DBT: variants seen among roughly 807,000 people sequenced by gnomAD.
DBT encodes the protein lipoamide acyltransferase component of branched-chain alpha-keto acid dehydrogenase complex, mitochondrial.
Under a neutral mutation model 51.3 loss-of-function variants are expected in DBT, and 40 were observed. That is an observed-to-expected ratio of 0.78 (90% CI 0.61 to 1.02). The LOEUF is 1.02. Ranked by LOEUF, DBT falls within the 50% of genes least tolerant of loss-of-function variation. The probability of loss-of-function intolerance (pLI) is 0.00; values close to 1 mark genes in which losing one functional copy is unlikely to be tolerated. For missense variants in DBT, 510 were observed against 580.2 expected (o/e 0.88, Z 1.24); for synonymous variants, 181 against 190.4 (o/e 0.95, Z 0.41).
rs558607921 is a variant in DBT, at chr1:100,233,336, TTC to T, written c.251+2098_251+2099del. ...GATTTGTGAAATTTAAGTATTTTTT[TTC>T]TTTTTCCATACATATGCACCCACAA... On this transcript the variant is annotated intron_variant, in intron 3 of 10. Coordinates refer to ENST00000370132, the MANE Select transcript of DBT (RefSeq NM_001918.5). Among the ~76,000 whole-genome samples, 280 of 152,322 alleles carry T rather than the reference TTC, an allele frequency of 1.8e-3. 3 individuals carry two copies. Among genetic ancestry groups the T allele is most frequent in the African/African-American group, 6.4e-3 (265 of 41,564 alleles).
chr1:100,226,904 T>A (rs1477982072), intron 4 of DBT, among the ~76,000 whole-genome samples: 1 of 152,222 alleles, frequency 6.6e-6, no homozygotes, highest in Non-Finnish European at 1.5e-5. Context: ...TGAAATCAGT[T>A]GAAATACTGT....
Position 100,193,514 on chromosome 1 carries a change from C to T in DBT, c.*2741G>A, listed in dbSNP as rs1240729563. ...AATCAAGGAAGCATGAAGGTGGCTA[C>T]TGTATGCTTAGAACCATGATTGGTA... On this transcript the variant is annotated 3_prime_UTR_variant, in exon 11 of 11. Coordinates refer to ENST00000370132, the MANE Select transcript of DBT (RefSeq NM_001918.5). 2 of 152,184 alleles carry T rather than the reference C, an allele frequency of 1.3e-5. No individual in the cohort carries two copies. Among genetic ancestry groups the T allele is most frequent in the Non-Finnish European group, 2.9e-5 (2 of 68,044 alleles). 9.4% of individuals were successfully genotyped at this position (152,184 alleles called of 1,614,324 possible).
chr1:100,218,522 T>A (rs2100804012), intron 5 of DBT, 104 bp downstream of exon 5: 1 of 1,274,026 alleles, frequency 7.8e-7, no homozygotes, highest in African/African-American at 1.5e-5. Context: ...CATGTTTCCT[T>A]AATTTCATTG....
Position 100,249,731 on chromosome 1 carries a change from C to G in DBT, c.51+39G>C, listed in dbSNP as rs763704134. ...CACTCCTGGATGACTCCGGACAAAT[C>G]ACTCCTTCCCGGCCTCAGATCTGCC... On this transcript the variant is annotated intron_variant, in intron 1 of 10. Transcript: ENST00000370132. 7.5e-6 allele frequency: 12 copies of G among 1,605,638 alleles called. No individual in the cohort carries two copies. In the Admixed American group the frequency reaches 1.5e-4, roughly 20 times the overall value.
chr1:100,217,191 T>C (rs1211268142), intron 5 of DBT, among the ~76,000 whole-genome samples: 1 of 152,194 alleles, frequency 6.6e-6, no homozygotes, highest in Non-Finnish European at 1.5e-5. Flanking sequence ...CCAAGTATTC[T>C]ATACCCATCT....
chr1:100,225,043 A>ATATATG (rs1553231587), intron 4 of DBT, among the ~76,000 whole-genome samples: 14 of 43,040 alleles, frequency 3.3e-4, no homozygotes, highest in Admixed American at 8.5e-4. Flanking sequence ...AAAAAAAAAA[A>ATATATG]TATATATATA....
At chr1:100,247,723 A>T (rs1438686997) in intron 1 of DBT, among the ~76,000 whole-genome samples, 10 of 149,338 alleles carry the variant, frequency 6.7e-5, no homozygotes, top group Non-Finnish European at 1.3e-4. Context: ...AAAAATTAAG[A>T]GAAACTGGTT....
At chr1:100,210,349 T>G (rs552365524) in intron 8 of DBT, among the ~76,000 whole-genome samples, 2,589 of 127,696 alleles carry the variant, frequency 0.02, 32 homozygotes, top group African/African-American at 0.028. Flanking sequence ...AGAAGAAGAA[T>G]AAGAATAATA....
At chr1:100,244,285 G>A (rs919106756) in intron 1 of DBT, among the ~76,000 whole-genome samples, 3 of 152,090 alleles carry the variant, frequency 2.0e-5, no homozygotes, top group African/African-American at 7.2e-5. Context: ...GACATTGAGC[G>A]GCTTGATTTG....
At chr1:100,238,425 CTTTT>C (rs1664025458) in intron 2 of DBT, among the ~76,000 whole-genome samples, 1 of 103,684 alleles carries the variant, frequency 9.6e-6, no homozygotes, top group South Asian at 3.9e-4. Context: ...CTTCTTCTTT[CTTTT>C]ATTTCCCCTC....
rs928104946 is a variant in DBT, at chr1:100,195,826, G to A, written c.*429C>T. On this transcript the variant is annotated 3_prime_UTR_variant, in exon 11 of 11. Transcript: ENST00000370132. Reference sequence around the variant, plus strand: ...ATTATAGGTACCCACCACCACACCCGGCTAATTTTTGTATTTTTAGTAGAG... The same window carrying A: ...ATTATAGGTACCCACCACCACACCCAGCTAATTTTTGTATTTTTAGTAGAG... 6.0e-5 allele frequency: 12 copies of A among 198,992 alleles called. No homozygotes were observed. Among genetic ancestry groups the A allele is most frequent in the South Asian group, 3.4e-4 (4 of 11,598 alleles). The allele number at this position is 198,992 out of a possible 1,614,324, so 12.3% of individuals were successfully genotyped here. A position where few individuals can be genotyped will look rare whatever the true frequency, so the allele number is the denominator to read the frequency against.
chr1:100,196,057 C>A lies in DBT; in HGVS notation c.*198G>T. Reference sequence around the variant, plus strand: ...CACTCTGACCTATAAAATGTGACAGCCCCAGGAGAACCATTACACCATTAT... The same window carrying A: ...CACTCTGACCTATAAAATGTGACAGACCCAGGAGAACCATTACACCATTAT... On this transcript the variant is annotated 3_prime_UTR_variant, in exon 11 of 11. Coordinates refer to ENST00000370132, the MANE Select transcript of DBT (RefSeq NM_001918.5). The A allele has an allele frequency of 1.6e-6, 1 of 616,486 alleles. No homozygotes were observed. Among genetic ancestry groups the A allele is most frequent in the South Asian group, 2.0e-5 (1 of 51,058 alleles). The allele number at this position is 616,486 out of a possible 1,614,324, so 38.2% of individuals were successfully genotyped here.
At chr1:100,221,516 T>C (rs1662855871) in intron 4 of DBT, among the ~76,000 whole-genome samples, 1 of 152,150 alleles carries the variant, frequency 6.6e-6, no homozygotes, top group Non-Finnish European at 1.5e-5. Context: ...TTTCTCAATG[T>C]TACCAATGTA....
intron 10 of DBT, among the ~76,000 whole-genome samples, chr1:100,205,343 C>T (rs964421196): frequency 2.0e-5 from 3 of 152,068 alleles, no homozygotes; most frequent in Non-Finnish European, 4.4e-5. Flanking sequence ...GGCCAACAAA[C>T]ATATGAAAAA....
chr1:100,206,874 A>G (rs983562601), intron 8 of DBT, among the ~76,000 whole-genome samples: 1 of 152,190 alleles, frequency 6.6e-6, no homozygotes, highest in African/African-American at 2.4e-5. Context: ...ACCTGAGGTC[A>G]TGAGTTCAAG....
chr1:100,220,370 A>G, intron 4 of DBT, among the ~76,000 whole-genome samples: 1 of 152,260 alleles, frequency 6.6e-6, no homozygotes, highest in East Asian at 1.9e-4. Flanking sequence ...TTGGTAAATT[A>G]AAGACTGACA....
intron 7 of DBT, among the ~76,000 whole-genome samples, chr1:100,212,892 T>G (rs1662239136): frequency 6.6e-6 from 1 of 151,602 alleles, no homozygotes; most frequent in Admixed American, 6.6e-5. Flanking sequence ...CACTAAGGAG[T>G]ATGGCATACA....
At position 100,189,851 on chromosome 1, in the gene DBT, G is replaced by GCACT. The variant is rs1660732198; in HGVS notation, c.*6400_*6403dup. ...CATTTGTGTCTTATTAGTTAAGGCA[G>GCACT]CACTATCCAATAGAATTTTCTGTGA... On this transcript the variant is annotated 3_prime_UTR_variant, in exon 11 of 11. Coordinates refer to ENST00000370132, the MANE Select transcript of DBT (RefSeq NM_001918.5). The GCACT allele has an allele frequency of 6.6e-6, 1 of 152,112 alleles. No homozygotes were observed. Among genetic ancestry groups the GCACT allele is most frequent in the South Asian group, 2.1e-4 (1 of 4,820 alleles). The allele number at this position is 152,112 out of a possible 1,614,324, so 9.4% of individuals were successfully genotyped here.
chr1:100,211,711 A>T (rs1397528804), intron 7 of DBT, among the ~76,000 whole-genome samples: 1 of 152,238 alleles, frequency 6.6e-6, no homozygotes, highest in Non-Finnish European at 1.5e-5. Context: ...GAGTAGATCA[A>T]CTGAAGAAAA....
Sources: allele counts gnomAD v4.1 joint callset (sites outside exome capture counted in the v4.1 genomes callset), GRCh38; gene constraint gnomAD v4.1.1; transcripts MANE v1.5; gene names NCBI Gene and HGNC (gene_info 2026-07-23, HGNC 2026-07-21).